Variants in SPIRE1 observed in about 807,000 individuals in gnomAD.
SPIRE1 encodes the protein protein spire homolog 1.
In SPIRE1, 40 loss-of-function variants were observed where a neutral mutation model predicts 94.1. That is an observed-to-expected ratio of 0.43 (90% CI 0.33 to 0.55). The LOEUF is 0.55. Ranked by LOEUF, SPIRE1 falls within the 20% of genes least tolerant of loss-of-function variation. SPIRE1 has a pLI of 0.06. For synonymous variants in SPIRE1, 376 were observed against 371.7 expected, an observed-to-expected ratio of 1.01 and a Z score of -0.13; for missense variants, 838 against 975.2, an observed-to-expected ratio of 0.86 and a Z score of 1.87.
At chr18:12,539,980 T>C (rs1333507956) in intron 3 of SPIRE1, among the ~76,000 whole-genome samples, 3 of 130,066 alleles carry the variant, frequency 2.3e-5, no homozygotes, top group African/African-American at 5.7e-5. Context: ...AGATGAGAGG[T>C]AGAAAATGAG....
At chr18:12,612,562 G>A (rs1282100981) in intron 2 of SPIRE1, among the ~76,000 whole-genome samples, 3 of 152,160 alleles carry the variant, frequency 2.0e-5, no homozygotes, top group African/African-American at 7.2e-5. Context: ...TAACTTCACC[G>A]TCACCTGAGG....
At chr18:12,555,186 G>A (rs1181433338) in intron 2 of SPIRE1, among the ~76,000 whole-genome samples, 1 of 151,962 alleles carries the variant, frequency 6.6e-6, no homozygotes, top group East Asian at 1.9e-4. Flanking sequence ...CCCAATTAAA[G>A]CCTTCTCCCC....
intron 2 of SPIRE1, among the ~76,000 whole-genome samples, chr18:12,550,511 A>C (rs190616257): frequency 2.2e-3 from 341 of 152,188 alleles, no homozygotes; most frequent in Non-Finnish European, 4.1e-3. Flanking sequence ...CTACAGGTGC[A>C]TGGTGACACC....
intron 2 of SPIRE1, among the ~76,000 whole-genome samples, chr18:12,563,206 T>TA (rs57756554): frequency 0.16 from 23,595 of 146,080 alleles, 2,124 homozygotes; most frequent in African/African-American, 0.25. Context: ...CTATACTCAT[T>TA]AAAAAAAAAA....
intron 2 of SPIRE1, among the ~76,000 whole-genome samples, chr18:12,568,463 C>T (rs899126025): frequency 6.6e-6 from 1 of 152,206 alleles, no homozygotes; most frequent in Non-Finnish European, 1.5e-5. Flanking sequence ...CTCCACTCAT[C>T]TGTCCATCCT....
chr18:12,527,794 C>T (rs899144347), intron 4 of SPIRE1, among the ~76,000 whole-genome samples: 4 of 151,962 alleles, frequency 2.6e-5, no homozygotes, highest in Admixed American at 2.0e-4. Flanking sequence ...TGGCCAGGTG[C>T]AGTGGCTCAC....
chr18:12,583,291 G>A (rs982981455), intron 2 of SPIRE1, among the ~76,000 whole-genome samples: 5 of 152,156 alleles, frequency 3.3e-5, no homozygotes, highest in African/African-American at 4.8e-5. Flanking sequence ...GGGCAACAGC[G>A]GATGATCTCT....
intron 2 of SPIRE1, among the ~76,000 whole-genome samples, chr18:12,551,577 T>G (rs1269808844): frequency 1.3e-5 from 2 of 151,780 alleles, no homozygotes; most frequent in African/African-American, 4.8e-5. Flanking sequence ...TGGTGACAGG[T>G]GCCTGTAGTC....
intron 2 of SPIRE1, among the ~76,000 whole-genome samples, chr18:12,549,735 T>G (rs2035294445): frequency 1.3e-5 from 2 of 151,962 alleles, no homozygotes; most frequent in Middle Eastern, 3.4e-3. Flanking sequence ...AGCTGTGAGC[T>G]ACCGTGCCCA....
At chr18:12,479,042 T>C (rs1348379528) in intron 10 of SPIRE1, among the ~76,000 whole-genome samples, 1 of 152,178 alleles carries the variant, frequency 6.6e-6, no homozygotes, top group African/African-American at 2.4e-5. Flanking sequence ...TTTATTTTTT[T>C]GTTCCCCAAA....
At position 12,512,505 on chromosome 18, in the gene SPIRE1, T is replaced by C. The variant is rs1329310144; in HGVS notation, c.756A>G (p.Glu252=). The change falls in exon 5 of 17, where the codon GAA becomes GAG. Residue 252 remains glutamate (E), a synonymous_variant. Transcript: ENST00000409402. Reference sequence around the variant, plus strand: ...AGTCTGTGCTAGATTCATCGCTCTTTTCCATTTCTTGAATCTTCTTAAGAT... The same window carrying C: ...AGTCTGTGCTAGATTCATCGCTCTTCTCCATTTCTTGAATCTTCTTAAGAT... ...KENLKKIQEM[E]KSDESSTDLE... 7 of 1,611,856 alleles carry C rather than the reference T, an allele frequency of 4.3e-6. No individual in the cohort carries two copies. The highest frequency in any genetic ancestry group is 5.1e-6 in the Non-Finnish European group (6 of 1,178,526).
At chr18:12,557,877 G>C (rs1202240663) in intron 2 of SPIRE1, among the ~76,000 whole-genome samples, 1 of 152,052 alleles carries the variant, frequency 6.6e-6, no homozygotes, top group Admixed American at 6.5e-5. Context: ...CATCTACAAT[G>C]AACTCATTTT....
At chr18:12,509,905 T>G (rs980504547) in intron 5 of SPIRE1, among the ~76,000 whole-genome samples, 3 of 151,850 alleles carry the variant, frequency 2.0e-5, no homozygotes, top group Non-Finnish European at 4.4e-5. Flanking sequence ...ACCAACATGG[T>G]GAAACCCTGT....
chr18:12,545,531 A>G (rs139522708), intron 3 of SPIRE1, among the ~76,000 whole-genome samples: 2 of 152,356 alleles, frequency 1.3e-5, no homozygotes, highest in African/African-American at 4.8e-5. Context: ...AACCTAGTAA[A>G]TATCATATAT....
chr18:12,481,283 C>T lies in SPIRE1; in HGVS notation c.1232-1412G>A, dbSNP rs115888779. Among the ~76,000 whole-genome samples, 728 of 128,718 alleles carry T rather than the reference C, an allele frequency of 5.7e-3. 9 individuals are homozygous for T. The highest frequency in any genetic ancestry group is 0.019 in the African/African-American group (683 of 35,208). The allele number at this position is 128,718 out of a possible 152,430, so 84.4% of individuals were successfully genotyped here. On this transcript the variant is annotated intron_variant, in intron 9 of 16. Coordinates refer to ENST00000409402, the MANE Select transcript of SPIRE1 (RefSeq NM_001128626.2). ...GTCTCAAAAAAAAGAACAACCCCCG[C>T]CCCCCGCAAGAATGTGCTGTTTACA...
chr18:12,618,389 C>G (rs1361747133), intron 2 of SPIRE1, among the ~76,000 whole-genome samples: 2 of 152,072 alleles, frequency 1.3e-5, no homozygotes, highest in Non-Finnish European at 2.9e-5. Flanking sequence ...CGAGAGCCAC[C>G]GCGCCCGGCC....
intron 8 of SPIRE1, among the ~76,000 whole-genome samples, chr18:12,489,517 AAG>A (rs1191973830): frequency 6.6e-6 from 1 of 152,222 alleles, no homozygotes; most frequent in Admixed American, 6.5e-5. Context: ...CTATATCAAA[AAG>A]AGGACAAAAA....
chr18:12,556,990 T>C (rs1598468362), intron 2 of SPIRE1, among the ~76,000 whole-genome samples: 1 of 152,268 alleles, frequency 6.6e-6, no homozygotes, highest in East Asian at 1.9e-4. Flanking sequence ...ATTGGTCTCT[T>C]TTGACAGGGT....
chr18:12,469,727 T>C (rs1158484997), intron 10 of SPIRE1, among the ~76,000 whole-genome samples: 1 of 144,304 alleles, frequency 6.9e-6, no homozygotes, highest in Non-Finnish European at 1.5e-5. Flanking sequence ...TATATAAATA[T>C]AATTATATAT....
Sources: gnomAD v4.1 joint callset for allele counts (sites outside exome capture counted in the v4.1 genomes callset) on GRCh38, gnomAD v4.1.1 for gene constraint, MANE v1.5 for transcripts, NCBI Gene and HGNC (gene_info 2026-07-23, HGNC 2026-07-21) for gene names.